EPS15L1: variants seen among roughly 807,000 people sequenced by gnomAD.
The protein encoded by EPS15L1 is epidermal growth factor receptor substrate 15-like 1.
A neutral mutation model predicts 117.1 loss-of-function variants in EPS15L1; 43 were observed. The ratio of observed to expected loss-of-function variants is 0.37; its 90% confidence interval spans 0.29 to 0.47. The LOEUF (loss-of-function observed/expected upper bound fraction) is 0.47. Among genes scored for constraint, EPS15L1 ranks in the 20% least tolerant of loss-of-function variants. EPS15L1 has a pLI of 0.99. For synonymous variants in EPS15L1, 459 were observed against 470.5 expected (o/e 0.98, Z 0.32); for missense variants, 981 against 1,164.0 (o/e 0.84, Z 2.29).
chr19:16,415,808 T>C (rs935524536), intron 12 of EPS15L1, among the ~76,000 whole-genome samples: 9 of 152,230 alleles, frequency 5.9e-5, no homozygotes, highest in Non-Finnish European at 8.8e-5. Flanking sequence ...TCCTAGACCC[T>C]GACCCTTGCA....
chr19:16,367,085 T>C (rs2092143558), intron 22 of EPS15L1, among the ~76,000 whole-genome samples: 1 of 151,934 alleles, frequency 6.6e-6, no homozygotes, highest in African/African-American at 2.4e-5. Context: ...AGAGCTTTAC[T>C]GACGCGCATT....
chr19:16,448,970 C>G lies in EPS15L1; in HGVS notation c.34-6751G>C, dbSNP rs562765934. Among the ~76,000 whole-genome samples, 10 of 152,004 alleles carry G rather than the reference C, an allele frequency of 6.6e-5. No homozygotes were observed. The East Asian group carries it at 1.9e-3, about 29-fold the overall frequency. On this transcript the variant is annotated intron_variant, in intron 1 of 23. Coordinates refer to ENST00000455140, the MANE Select transcript of EPS15L1 (RefSeq NM_001258374.3). ...AAATTCAACAGCATAAAAAAGAAAA[C>G]AATCAAATTAGAACATGGGCAAGCC...
At chr19:16,437,926 T>C in intron 4 of EPS15L1, 61 bp from the exon 5 acceptor site, 1 of 1,279,432 alleles carries the variant, frequency 7.8e-7, no homozygotes, top group Non-Finnish European at 1.1e-6. Flanking sequence ...TAGGGGGAGC[T>C]GTCTCTAACA....
At chr19:16,395,910 G>A (rs955439611) in intron 16 of EPS15L1, among the ~76,000 whole-genome samples, 6 of 146,030 alleles carry the variant, frequency 4.1e-5, no homozygotes, top group African/African-American at 1.0e-4. Flanking sequence ...ACGCCATTGC[G>A]CTCCAGCCTG....
intron 23 of EPS15L1, chr19:16,357,740 G>A (rs1352992420): frequency 2.0e-5 from 3 of 152,304 alleles, no homozygotes; most frequent in Non-Finnish European, 4.4e-5. Context: ...TCCCTGGGAG[G>A]AAGGGCTGAG....
chr19:16,422,859 G>A lies in EPS15L1; in HGVS notation c.793-1383C>T, dbSNP rs1370334744. Among the ~76,000 whole-genome samples, 4 of 151,926 alleles carry A rather than the reference G, an allele frequency of 2.6e-5. No homozygotes were observed. The East Asian group carries it at 7.7e-4, about 29-fold the overall frequency. Reference sequence around the variant, plus strand: ...TGTGATCCCAGCTACTCAGGAGGCTGAGGCAGGAGAATTGCTTGAACCTGG... The same window carrying A: ...TGTGATCCCAGCTACTCAGGAGGCTAAGGCAGGAGAATTGCTTGAACCTGG... On this transcript the variant is annotated intron_variant, in intron 9 of 23. Transcript: ENST00000455140.
chr19:16,400,353 A>T (rs949549376), intron 16 of EPS15L1, among the ~76,000 whole-genome samples: 5 of 151,108 alleles, frequency 3.3e-5, no homozygotes, highest in Non-Finnish European at 2.9e-5. Flanking sequence ...AAAAAAACAA[A>T]AACAAAAAAA....
intron 9 of EPS15L1, among the ~76,000 whole-genome samples, chr19:16,423,868 G>A (rs972191126): frequency 3.9e-5 from 6 of 152,162 alleles, no homozygotes; most frequent in African/African-American, 1.2e-4. Context: ...TGTGTCCCAC[G>A]GGTCCCAAGA....
intron 18 of EPS15L1, among the ~76,000 whole-genome samples, 190 bp downstream of exon 18, chr19:16,393,761 G>A (rs745967296): frequency 6.6e-6 from 1 of 152,108 alleles, no homozygotes; most frequent in African/African-American, 2.4e-5. Flanking sequence ...GCAGTGACTG[G>A]ACCTGGGGAG....
At chr19:16,420,202 G>A (rs895178770) in intron 10 of EPS15L1, among the ~76,000 whole-genome samples, 1 of 152,192 alleles carries the variant, frequency 6.6e-6, no homozygotes, top group Non-Finnish European at 1.5e-5. Flanking sequence ...CTGCCCGCAT[G>A]GAATGACCTC....
chr19:16,422,972 G>T (rs184120367), intron 9 of EPS15L1, among the ~76,000 whole-genome samples: 4 of 105,518 alleles, frequency 3.8e-5, no homozygotes, highest in African/African-American at 7.3e-5. Flanking sequence ...AAAAAAAAAG[G>T]GGGGGGGGAT....
At chr19:16,448,307 G>A (rs1040889524) in intron 1 of EPS15L1, among the ~76,000 whole-genome samples, 2 of 151,958 alleles carry the variant, frequency 1.3e-5, no homozygotes, top group Non-Finnish European at 2.9e-5. Flanking sequence ...GAGGCAGGAG[G>A]ATCACCAGAG....
chr19:16,464,404 C>G (rs1381332886), intron 1 of EPS15L1, among the ~76,000 whole-genome samples: 1 of 152,206 alleles, frequency 6.6e-6, no homozygotes, highest in Non-Finnish European at 1.5e-5. Context: ...AGCTCCTCAG[C>G]CCCCACCAGC....
intron 21 of EPS15L1, 53 bp downstream of exon 21, chr19:16,385,076 A>C: frequency 7.2e-7 from 1 of 1,392,382 alleles, no homozygotes; most frequent in Non-Finnish European, 1.0e-6. Context: ...ACACCATGAC[A>C]AGAGGCACAA....
At chr19:16,459,559 T>C (rs758426778) in intron 1 of EPS15L1, among the ~76,000 whole-genome samples, 4 of 152,114 alleles carry the variant, frequency 2.6e-5, no homozygotes, top group Non-Finnish European at 5.9e-5. Context: ...TGTGGCTCAG[T>C]AGCAGTGAGG....
intron 18 of EPS15L1, among the ~76,000 whole-genome samples, chr19:16,393,124 T>A (rs934872531): frequency 1.7e-4 from 21 of 125,742 alleles, no homozygotes; most frequent in African/African-American, 5.5e-4. Context: ...ATAATAATAA[T>A]AAACAACGCA....
At chr19:16,420,353 C>T (rs912836518) in intron 10 of EPS15L1, among the ~76,000 whole-genome samples, 11 of 152,206 alleles carry the variant, frequency 7.2e-5, no homozygotes, top group Admixed American at 2.0e-4. Context: ...GGTGTCAGGG[C>T]GCTAACCAGG....
chr19:16,428,633 A>G, intron 8 of EPS15L1, 69 bp downstream of exon 8: 2 of 1,113,548 alleles, frequency 1.8e-6, no homozygotes, highest in Non-Finnish European at 1.3e-6. Context: ...AAGACAAACG[A>G]ATCCAGCAAC....
intron 2 of EPS15L1, 85 bp downstream of exon 2, chr19:16,442,093 C>A: frequency 6.7e-7 from 1 of 1,488,836 alleles, no homozygotes; most frequent in Non-Finnish European, 9.3e-7. Flanking sequence ...GGACAAAAGG[C>A]CGCTCAGCCG....
Sources: gnomAD v4.1 joint callset for allele counts (sites outside exome capture counted in the v4.1 genomes callset) on GRCh38, gnomAD v4.1.1 for gene constraint, MANE v1.5 for transcripts, NCBI Gene and HGNC (gene_info 2026-07-23, HGNC 2026-07-21) for gene names.